The following SPATA9 variants were observed in gnomAD, a reference collection of about 807,000 sequenced individuals.
SPATA9 encodes spermatogenesis associated 9.
Under a neutral mutation model 25.5 loss-of-function variants are expected in SPATA9, and 27 were observed. The ratio of observed to expected loss-of-function variants is 1.06; its 90% CI spans 0.78 to 1.46. The LOEUF is 1.46. Among genes scored for constraint, SPATA9 ranks in the 40% most tolerant of loss-of-function variants. The pLI, the probability that SPATA9 is intolerant of heterozygous loss-of-function variation, is 0.00. For missense variants in SPATA9, 282 were observed against 297.5 expected, an observed-to-expected ratio of 0.95 and a Z score of 0.38; for synonymous variants, 102 against 105.7, an observed-to-expected ratio of 0.97 and a Z score of 0.21.
the SPATA9 span, among the ~76,000 whole-genome samples, chr5:95,714,572 C>T: frequency 0.024 from 3,660 of 152,170 alleles, 49 homozygotes; most frequent in Middle Eastern, 0.061. Context: ...CTTGAAACAG[C>T]AGTGTGACCG....
intron 3 of SPATA9, among the ~76,000 whole-genome samples, 172 bp from the exon 4 acceptor site, chr5:95,664,220 G>A (rs1288372013): frequency 6.6e-6 from 1 of 152,056 alleles, no homozygotes; most frequent in African/African-American, 2.4e-5. Context: ...TTTTTAACAA[G>A]AAGACAGTTT....
At chr5:95,662,550 C>T (rs925874531) in intron 4 of SPATA9, among the ~76,000 whole-genome samples, 1 of 152,248 alleles carries the variant, frequency 6.6e-6, no homozygotes, top group East Asian at 1.9e-4. Flanking sequence ...TAGGCACACA[C>T]CACCATGCCT....
downstream of SPATA9, chr5:95,655,444 A>G (rs1580268750): frequency 6.6e-6 from 1 of 152,238 alleles, no homozygotes; most frequent in Non-Finnish European, 1.5e-5. Flanking sequence ...TTGGTGTCAC[A>G]TGGGAGCTTC....
chr5:95,684,386 G>C (rs1753676473), upstream of SPATA9, among the ~76,000 whole-genome samples: 1 of 152,038 alleles, frequency 6.6e-6, no homozygotes, highest in South Asian at 2.1e-4. Context: ...CCATCCCCTA[G>C]TTCTTTTTAT....
the SPATA9 span, among the ~76,000 whole-genome samples, chr5:95,707,809 G>T: frequency 6.6e-6 from 1 of 152,110 alleles, no homozygotes. Flanking sequence ...GTCAATTCAG[G>T]TGGAAAGAAG....
At chr5:95,656,168 C>G (rs1451198085), downstream of SPATA9, 2 of 1,613,934 alleles carry the variant, frequency 1.2e-6, no homozygotes, top group African/African-American at 2.7e-5. Flanking sequence ...CCAAGTGGTG[C>G]TCCAAAGGAA....
chr5:95,654,230 T>C, downstream of SPATA9: 1 of 1,611,958 alleles, frequency 6.2e-7, no homozygotes, highest in Non-Finnish European at 8.5e-7. Context: ...GGATATTCGC[T>C]GTTACCGTAA....
In SPATA9 at chr5:95,675,407, C is replaced by A. The variant is rs376391160; in HGVS notation, c.378+5G>T. 35 of 1,609,248 alleles carry A rather than the reference C, an allele frequency of 2.2e-5. No homozygotes were observed. The highest frequency in any genetic ancestry group is 1.9e-5 in the Non-Finnish European group (22 of 1,177,512). ...GGGAATTGTGCATATGCAGTATTCC[C>A]TTACCTGAATGTTATATAGGGGTTG... On this transcript the variant is annotated splice_donor_5th_base_variant and intron_variant, in intron 3 of 4. Coordinates refer to ENST00000274432, the MANE Select transcript of SPATA9 (RefSeq NM_031952.4).
At chr5:95,661,457 A>G (rs970433158) in intron 4 of SPATA9, among the ~76,000 whole-genome samples, 10 of 152,090 alleles carry the variant, frequency 6.6e-5, no homozygotes, top group Admixed American at 3.3e-4. Context: ...ATTTGTTTCT[A>G]TTACCTGCTT....
At chr5:95,706,459 A>C in the SPATA9 span, among the ~76,000 whole-genome samples, 1 of 151,638 alleles carries the variant, frequency 6.6e-6, no homozygotes, top group African/African-American at 2.4e-5. Flanking sequence ...ACCTTCTGCC[A>C]TGATTAGAAA....
At chr5:95,708,360 T>A in the SPATA9 span, among the ~76,000 whole-genome samples, 1 of 152,180 alleles carries the variant, frequency 6.6e-6, no homozygotes, top group Non-Finnish European at 1.5e-5. Context: ...TCCTGGGATA[T>A]GAAATCTTAA....
chr5:95,660,024 A>G (rs1390548017), intron 4 of SPATA9, among the ~76,000 whole-genome samples: 1 of 152,264 alleles, frequency 6.6e-6, no homozygotes, highest in African/African-American at 2.4e-5. Context: ...TTTTTAGAAG[A>G]AAAAGAGGGA....
chr5:95,697,871 C>T (rs1754075790), intron 1 of SPATA9, among the ~76,000 whole-genome samples: 1 of 150,830 alleles, frequency 6.6e-6, no homozygotes, highest in Non-Finnish European at 1.5e-5. Context: ...AATGACATTC[C>T]ATGAAATGAC....
At chr5:95,655,958 TAACCTGG>T, downstream of SPATA9, 1 of 1,275,734 alleles carries the variant, frequency 7.8e-7, no homozygotes, top group Admixed American at 2.3e-5. Flanking sequence ...CCTGTTTTTT[TAACCTGG>T]TTCTTCTGCA....
upstream of SPATA9, chr5:95,683,068 G>C (rs1736876983): frequency 1.7e-6 from 2 of 1,180,324 alleles, no homozygotes; most frequent in African/African-American, 3.2e-5. Flanking sequence ...CTGGCAGTGA[G>C]AGGAAGAGGA....
chr5:95,698,339 A>T (rs1193321807), intron 1 of SPATA9, among the ~76,000 whole-genome samples: 1 of 152,188 alleles, frequency 6.6e-6, no homozygotes, highest in East Asian at 1.9e-4. Flanking sequence ...GTTCACAGCA[A>T]GCTGTGGACT....
At chr5:95,716,502 T>C in the SPATA9 span, among the ~76,000 whole-genome samples, 2 of 152,274 alleles carry the variant, frequency 1.3e-5, no homozygotes, top group Non-Finnish European at 2.9e-5. Flanking sequence ...TTACCCAATG[T>C]CTGTACCCCC....
chr5:95,697,460 G>T (rs153910), intron 1 of SPATA9, among the ~76,000 whole-genome samples: 2 of 151,918 alleles, frequency 1.3e-5, no homozygotes, highest in African/African-American at 4.8e-5. Flanking sequence ...GAGACACACA[G>T]AGAGAGAGAG....
At chr5:95,656,033 T>C, downstream of SPATA9, 2 of 1,610,368 alleles carry the variant, frequency 1.2e-6, no homozygotes, top group Middle Eastern at 1.7e-4. Flanking sequence ...AAATGAGTTA[T>C]TCTCTTCCCC....
Sources: allele counts gnomAD v4.1 joint callset (sites outside exome capture counted in the v4.1 genomes callset), GRCh38; gene constraint gnomAD v4.1.1; transcripts MANE v1.5; gene names NCBI Gene and HGNC (gene_info 2026-07-23, HGNC 2026-07-21).